The following DKK2 variants were observed in gnomAD, a reference collection of about 807,000 sequenced individuals.
DKK2 encodes the protein dickkopf-related protein 2.
Under a neutral mutation model 28.1 loss-of-function variants are expected in DKK2, and 11 were observed. The ratio of observed to expected loss-of-function variants is 0.39; its 90% CI spans 0.25 to 0.65. The LOEUF is 0.65. Among genes scored for constraint, DKK2 ranks in the 30% least tolerant of loss-of-function variants. DKK2 has a pLI of 0.47. For synonymous variants in DKK2, 135 were observed against 126.5 expected (o/e 1.07, Z -0.45); for missense variants, 326 against 335.5 (o/e 0.97, Z 0.22).
At chr4:106,951,684 C>T (rs1467741677) in intron 1 of DKK2, among the ~76,000 whole-genome samples, 1 of 152,054 alleles carries the variant, frequency 6.6e-6, no homozygotes, top group Non-Finnish European at 1.5e-5. Flanking sequence ...ATGTGGGTGG[C>T]AGAGCACTCT....
Position 106,924,598 on chromosome 4 carries a change from T to C in DKK2, c.476A>G (p.Asp159Gly). 1 of 1,613,952 alleles carries C rather than the reference T, an allele frequency of 6.2e-7. No individual in the cohort carries two copies. The highest frequency in any genetic ancestry group is 8.5e-7 in the Non-Finnish European group (1 of 1,179,880). The change falls in exon 3 of 4, where the codon GAC becomes GGC. Residue 159 changes from aspartate (D) to glycine (G), a missense_variant. Transcript: ENST00000285311. ...DRNHGHYSNH[D>G]LGWQNLGRPH... ...TCTTCCTAGATTCTGCCATCCCAAG[T>C]CATGGTTTGAGTAATGACCGTGGTT... is the stretch of plus-strand genomic sequence containing the variant.
rs1251925707 is a variant in DKK2 at position 107,016,337 on chromosome 4, A to C, written c.222+19033T>G. Among the ~76,000 whole-genome samples, 3 of 152,068 alleles carry C rather than the reference A, an allele frequency of 2.0e-5. No individual in the cohort carries two copies. In the East Asian group the frequency reaches 5.8e-4, roughly 29 times the overall value. On this transcript the variant is annotated intron_variant, in intron 1 of 3. Transcript: ENST00000285311. ...TATTGTTATAGAGCAAGTTTAACAA[A>C]TGCTACTTGGTAATTTTCCCTGCCC...
chr4:107,000,608 G>A, intron 1 of DKK2, among the ~76,000 whole-genome samples: 1 of 152,074 alleles, frequency 6.6e-6, no homozygotes, highest in East Asian at 1.9e-4. Context: ...TATTCTATAT[G>A]CTAATTGAAG....
At chr4:106,990,501 C>G (rs1012967105) in intron 1 of DKK2, among the ~76,000 whole-genome samples, 2 of 152,210 alleles carry the variant, frequency 1.3e-5, no homozygotes, top group African/African-American at 4.8e-5. Flanking sequence ...GGATTAATAT[C>G]TACAACCACA....
chr4:106,981,330 A>G (rs1723024667), intron 1 of DKK2, among the ~76,000 whole-genome samples: 1 of 152,220 alleles, frequency 6.6e-6, no homozygotes, highest in Non-Finnish European at 1.5e-5. Flanking sequence ...TTTCTTAGAA[A>G]GCAATACATT....
intron 1 of DKK2, among the ~76,000 whole-genome samples, chr4:107,003,169 G>A (rs1368300194): frequency 6.6e-6 from 1 of 152,152 alleles, no homozygotes; most frequent in East Asian, 1.9e-4. Context: ...GCAATTTTCA[G>A]TGGCTTTGGC....
At chr4:106,991,020 T>C (rs549949843) in intron 1 of DKK2, among the ~76,000 whole-genome samples, 62 of 152,228 alleles carry the variant, frequency 4.1e-4, no homozygotes, top group African/African-American at 1.5e-3. Flanking sequence ...AGATGAAAAA[T>C]TTTTGTTCTG....
Position 106,925,926 on chromosome 4 carries a change from C to T in DKK2, c.246G>A (p.Lys82=), listed in dbSNP as rs370394039. 12 of 1,612,702 alleles carry T rather than the reference C, an allele frequency of 7.4e-6. No homozygotes were observed. Among genetic ancestry groups the T allele is most frequent in the South Asian group, 1.1e-5 (1 of 90,974 alleles). Residue 82 remains lysine, a synonymous_variant, in exon 2 of 4, where the codon AAG becomes AAA. Transcript: ENST00000285311. ...GGCAATACCTCCCAACTTCACACTC[C>T]TTATCACTGCTACAAGGGTAGGCCT... is the stretch of plus-strand genomic sequence containing the variant. ...LGQAYPCSSD[K]ECEVGRYCHS...
intron 1 of DKK2, among the ~76,000 whole-genome samples, chr4:106,982,032 C>T (rs1723033501): frequency 6.6e-6 from 1 of 151,878 alleles, no homozygotes; most frequent in South Asian, 2.1e-4. Flanking sequence ...ACTAACAGCA[C>T]TCTAATAACA....
At chr4:106,942,518 C>A (rs1353704639) in intron 1 of DKK2, among the ~76,000 whole-genome samples, 1 of 152,034 alleles carries the variant, frequency 6.6e-6, no homozygotes, top group Non-Finnish European at 1.5e-5. Context: ...TATGTCTGGC[C>A]TCCCATTCCA....
chr4:106,935,301 G>C (rs1183324540), intron 1 of DKK2, among the ~76,000 whole-genome samples: 5 of 152,342 alleles, frequency 3.3e-5, no homozygotes, highest in African/African-American at 9.6e-5. Context: ...TGCCTCACTT[G>C]GGAAGCGCAA....
At chr4:106,955,076 G>T (rs981516128) in intron 1 of DKK2, among the ~76,000 whole-genome samples, 1 of 152,044 alleles carries the variant, frequency 6.6e-6, no homozygotes, top group Non-Finnish European at 1.5e-5. Context: ...ATGGGAATTT[G>T]ATTTATTCAT....
intron 1 of DKK2, among the ~76,000 whole-genome samples, chr4:106,967,403 A>G (rs1256123332): frequency 6.6e-6 from 1 of 152,122 alleles, no homozygotes; most frequent in Non-Finnish European, 1.5e-5. Flanking sequence ...ATGAGAGCCA[A>G]GCTGAGGAAA....
At chr4:106,933,567 G>A (rs981275138) in intron 1 of DKK2, among the ~76,000 whole-genome samples, 1 of 152,046 alleles carries the variant, frequency 6.6e-6, no homozygotes, top group Admixed American at 6.5e-5. Flanking sequence ...ATCCTCAAGT[G>A]GTATACACCT....
intron 1 of DKK2, among the ~76,000 whole-genome samples, chr4:107,014,037 G>T (rs1723555373): frequency 6.6e-6 from 1 of 151,482 alleles, no homozygotes; most frequent in South Asian, 2.1e-4. Flanking sequence ...CACTGTTTGT[G>T]GGAATGAAAA....
chr4:106,982,469 C>T (rs964232194), intron 1 of DKK2, among the ~76,000 whole-genome samples: 1 of 152,116 alleles, frequency 6.6e-6, no homozygotes, highest in Non-Finnish European at 1.5e-5. Context: ...GTGCTGGGTA[C>T]CTCGTATAAC....
intron 1 of DKK2, among the ~76,000 whole-genome samples, chr4:107,027,844 C>A (rs1488430309): frequency 6.7e-6 from 1 of 150,206 alleles, no homozygotes; most frequent in East Asian, 2.0e-4. Context: ...CTTCGCCTCC[C>A]GGGTTCACGC....
intron 1 of DKK2, among the ~76,000 whole-genome samples, chr4:107,009,007 C>G (rs996581547): frequency 8.6e-5 from 13 of 151,656 alleles, no homozygotes; most frequent in African/African-American, 3.1e-4. Context: ...CATAAGCTGC[C>G]AAATAAAGAT....
intron 1 of DKK2, among the ~76,000 whole-genome samples, chr4:107,023,304 T>G (rs1463171384): frequency 6.6e-6 from 1 of 152,090 alleles, no homozygotes; most frequent in Non-Finnish European, 1.5e-5. Context: ...GAAAACGATT[T>G]TAGCTTATAA....
Sources: gnomAD v4.1 joint callset for allele counts (sites outside exome capture counted in the v4.1 genomes callset) on GRCh38, gnomAD v4.1.1 for gene constraint, MANE v1.5 for transcripts, NCBI Gene and HGNC (gene_info 2026-07-23, HGNC 2026-07-21) for gene names.